The following SETX variants were observed in gnomAD, a reference collection of about 807,000 sequenced individuals.
SETX encodes the protein helicase senataxin.
A neutral mutation model predicts 227.2 loss-of-function variants in SETX; 90 were observed. That is an observed-to-expected ratio of 0.40 (90% CI 0.33 to 0.47). The LOEUF is 0.47. SETX is among the 20% of genes least tolerant of loss of function. SETX has a pLI of 0.91. For synonymous variants in SETX, 1,210 were observed against 1,113.2 expected (o/e 1.09, Z -1.73); for missense variants, 3,052 against 3,181.5 (o/e 0.96, Z 0.98).
Position 132,328,986 on chromosome 9 carries a change from T to A in SETX, c.2612A>T (p.Asn871Ile), listed in dbSNP as rs1221892297. 1.9e-6 allele frequency: 3 copies of A among 1,606,742 alleles called. No individual in the cohort carries two copies. In the African/African-American group the frequency reaches 4.0e-5, roughly 22 times the overall value. Reference protein sequence around the residue: ...NVLPKEKQLKNEELVIFSFHE... With the variant: ...NVLPKEKQLKIEELVIFSFHE... ...GAAAGAGAAAATAACTAATTCTTCATTCTTTAATTGTTTCTCTTTTGGCAA... is the reference window on the plus strand; with the variant it reads ...GAAAGAGAAAATAACTAATTCTTCAATCTTTAATTGTTTCTCTTTTGGCAA... Residue 871 changes from asparagine to isoleucine, a missense_variant, in exon 10 of 26, where the codon AAT (asparagine) becomes ATT (isoleucine). This residue lies in a region of SETX where 1,483 missense variants were observed against 1,312.0 expected (regional missense o/e 1.13). Coordinates refer to ENST00000224140, the MANE Select transcript of SETX (RefSeq NM_015046.7).
chr9:132,287,972 C>A (rs553188010), intron 17 of SETX, among the ~76,000 whole-genome samples: 2 of 152,078 alleles, frequency 1.3e-5, no homozygotes, highest in Non-Finnish European at 2.9e-5. Flanking sequence ...GCCGGGAGTT[C>A]GAGACTAGCC....
chr9:132,318,118 G>C (rs1194337725), intron 10 of SETX, among the ~76,000 whole-genome samples: 2 of 152,098 alleles, frequency 1.3e-5, no homozygotes, highest in African/African-American at 4.8e-5. Context: ...ATTCTAGCTT[G>C]CCTACACGTT....
At chr9:132,324,509 T>C (rs558638157) in intron 10 of SETX, among the ~76,000 whole-genome samples, 2 of 152,328 alleles carry the variant, frequency 1.3e-5, no homozygotes, top group African/African-American at 4.8e-5. Context: ...ACTCTGCCTG[T>C]AACATACTTC....
chr9:132,342,927 A>C, intron 4 of SETX, 128 bp from the exon 5 acceptor site: 1 of 713,682 alleles, frequency 1.4e-6, no homozygotes, highest in Non-Finnish European at 2.5e-6. Context: ...TTGAGGCATA[A>C]AAATGCTTAT....
At chr9:132,355,271 T>G (rs521834), upstream of SETX, among the ~76,000 whole-genome samples, 1 of 152,000 alleles carries the variant, frequency 6.6e-6, no homozygotes, top group Non-Finnish European at 1.5e-5. Flanking sequence ...TTCCTGCGGG[T>G]GGGGCGGCTC....
At chr9:132,290,704 G>T (rs566531981) in intron 15 of SETX, among the ~76,000 whole-genome samples, 1 of 151,992 alleles carries the variant, frequency 6.6e-6, no homozygotes, top group South Asian at 2.1e-4. Flanking sequence ...AGACCAGCCT[G>T]GGCAACATGA....
rs147938250 is a variant in SETX, at chr9:132,331,387, A to G, written c.900T>C (p.Leu300=). 3.2e-5 allele frequency: 52 copies of G among 1,614,056 alleles called. No individual in the cohort carries two copies. In the African/African-American group the frequency reaches 6.1e-4, roughly 19 times the overall value. ...LHCFMVILDR[L]GSKVWGQLMD... is the part of the protein sequence containing the mutation. ...TAAGTTGACCCCAGACCTTAGATCCAAGGCGATCCAGAATCACCATAAAAC... is the reference window on the plus strand; with the variant it reads ...TAAGTTGACCCCAGACCTTAGATCCGAGGCGATCCAGAATCACCATAAAAC... The change falls in exon 8 of 26, where the codon CTT becomes CTC. Residue 300 remains leucine (L), a synonymous_variant. Transcript: ENST00000224140.
At chr9:132,300,544 A>ATT (rs1235402950) in intron 12 of SETX, 86 bp downstream of exon 12, 9 of 1,375,634 alleles carry the variant, frequency 6.5e-6, no homozygotes, top group Non-Finnish European at 9.3e-6. Flanking sequence ...TGTCTATCAA[A>ATT]TACACTTGAT....
chr9:132,335,025 T>TAAGAAAGA, intron 6 of SETX, among the ~76,000 whole-genome samples: 1 of 145,910 alleles, frequency 6.9e-6, no homozygotes, highest in South Asian at 2.2e-4. Context: ...CATATACCAC[T>TAAGAAAGA]AAGAAAGAAA....
At chr9:132,268,880 T>C (rs1035789930) in intron 25 of SETX, among the ~76,000 whole-genome samples, 11 of 152,100 alleles carry the variant, frequency 7.2e-5, no homozygotes, top group African/African-American at 1.7e-4. Flanking sequence ...CTGGAGGTGA[T>C]AGAGGAGTGA....
chr9:132,298,257 C>G lies in SETX; in HGVS notation c.5604G>C (p.Pro1868=), dbSNP rs373607369. 6.2e-7 allele frequency: 1 copy of G among 1,613,888 alleles called. No individual in the cohort carries two copies. The highest frequency in any genetic ancestry group is 1.3e-5 in the African/African-American group (1 of 74,870). Residue 1868 remains proline (P), a synonymous_variant, in exon 13 of 26, where the codon CCG becomes CCC. Coordinates refer to ENST00000224140, the MANE Select transcript of SETX (RefSeq NM_015046.7). ...AATTCACAAGTTCGTTTAAATTGGC[C>G]GGAAAGTTCTCTTGAGTCTGGATGG... is the stretch of plus-strand genomic sequence containing the variant. The part of the protein sequence containing the change: ...YLSIQTQENF[P]ANLNELVNCI...
Position 132,334,747 on chromosome 9 carries a change from T to C in SETX, c.719-20A>G, listed in dbSNP as rs1267023329. 4 of 1,613,444 alleles carry C rather than the reference T, an allele frequency of 2.5e-6. No homozygotes were observed. The South Asian group carries it at 4.4e-5, about 18-fold the overall frequency. On this transcript the variant is annotated intron_variant, in intron 6 of 25. Transcript: ENST00000224140. ...AAATACCTGTAAGATCATTTAGAGTTATCTTGAATTGATGAAATAATACTA... is the reference window on the plus strand; with the variant it reads ...AAATACCTGTAAGATCATTTAGAGTCATCTTGAATTGATGAAATAATACTA...
At chr9:132,279,732 T>C (rs1442572387) in intron 20 of SETX, among the ~76,000 whole-genome samples, 3 of 152,264 alleles carry the variant, frequency 2.0e-5, no homozygotes, top group Non-Finnish European at 2.9e-5. Context: ...TAATCTTTTC[T>C]TTGGGGAAAC....
In SETX at chr9:132,329,962, C is replaced by G; in HGVS notation, c.1636G>C (p.Gly546Arg). 6.2e-7 allele frequency: 1 copy of G among 1,614,160 alleles called. No individual in the cohort carries two copies. The highest frequency in any genetic ancestry group is 8.5e-7 in the Non-Finnish European group (1 of 1,180,006). ...VQLIRSLLKE[G>R]YQLGQQSLCK... ...AGAGACTGCTGCCCAAGCTGATAACCTTCTTTAAGGAGACTTCTAATCAGC... is the reference window on the plus strand; with the variant it reads ...AGAGACTGCTGCCCAAGCTGATAACGTTCTTTAAGGAGACTTCTAATCAGC... Residue 546 changes from glycine to arginine, a missense_variant, in exon 10 of 26, where the codon GGT (glycine) becomes CGT (arginine). Gly to Arg is a moderately radical substitution (Grantham distance 125). Transcript: ENST00000224140.
chr9:132,330,764 T>C (rs910947271), intron 9 of SETX, among the ~76,000 whole-genome samples: 1 of 152,252 alleles, frequency 6.6e-6, no homozygotes, highest in Non-Finnish European at 1.5e-5. Flanking sequence ...TCTCACCTTC[T>C]GTCCACTAGC....
chr9:132,306,090 C>T (rs1169307818), intron 11 of SETX, among the ~76,000 whole-genome samples: 1 of 152,164 alleles, frequency 6.6e-6, no homozygotes, highest in African/African-American at 2.4e-5. Context: ...TACTCCATCC[C>T]ATGCAACTCC....
chr9:132,342,195 C>T (rs1564563389), intron 5 of SETX, among the ~76,000 whole-genome samples: 2 of 152,144 alleles, frequency 1.3e-5, no homozygotes, highest in East Asian at 3.8e-4. Flanking sequence ...CAAACCTTAG[C>T]CAAAGGGCTA....
Position 132,264,423 on chromosome 9 carries a change from G to T in SETX, c.7850C>A (p.Thr2617Lys), listed in dbSNP as rs771592245. Reference protein sequence around the residue: ...EPPAASPEASTCQSKCDDPEE... With the variant: ...EPPAASPEASKCQSKCDDPEE... The stretch of plus-strand genomic sequence containing the variant: ...CGGGTCATCACATTTGCTCTGACAC[G>T]TGGAAGCCTCGGGACTGGCAGCTGG... Residue 2617 changes from threonine (T) to lysine (K), a missense_variant, in exon 26 of 26, where the codon ACG becomes AAG. By Grantham distance (78) the Thr-to-Lys change is moderately conservative. Transcript: ENST00000224140. 1.9e-6 allele frequency: 3 copies of T among 1,613,970 alleles called. No homozygotes were observed. The highest frequency in any genetic ancestry group is 2.5e-6 in the Non-Finnish European group (3 of 1,180,030).
chr9:132,328,245 G>T lies in SETX; in HGVS notation c.3353C>A (p.Thr1118Lys), dbSNP rs745933371. The change falls in exon 10 of 26, where the codon ACA becomes AAA. Residue 1118 changes from threonine to lysine, a missense_variant. Around this residue, in one of 10 missense-constraint regions of SETX, gnomAD observed 1,483 missense variants for 1,312.0 expected, o/e 1.13. Coordinates refer to ENST00000224140, the MANE Select transcript of SETX (RefSeq NM_015046.7). ...ATAATCTGTACAACCCTGACCATTTGTAGTATTGGCTATAGGAGCCAAACA... is the reference window on the plus strand; with the variant it reads ...ATAATCTGTACAACCCTGACCATTTTTAGTATTGGCTATAGGAGCCAAACA... Reference protein sequence around the residue: ...KKCLAPIANTTNGQGCTDYVS... With the variant: ...KKCLAPIANTKNGQGCTDYVS... 1.2e-5 allele frequency: 20 copies of T among 1,614,052 alleles called. No individual in the cohort carries two copies. The highest frequency in any genetic ancestry group is 1.6e-4 in the Middle Eastern group (1 of 6,062).
Sources: gnomAD v4.1 joint callset for allele counts (sites outside exome capture counted in the v4.1 genomes callset) on GRCh38, gnomAD v4.1.1 for gene constraint, gnomAD v4.1.1 regional missense constraint, MANE v1.5 for transcripts, NCBI Gene and HGNC (gene_info 2026-07-23, HGNC 2026-07-21) for gene names.